Variants in RIMS2 observed in about 807,000 individuals in gnomAD.
RIMS2 encodes the protein regulating synaptic membrane exocytosis protein 2.
A neutral mutation model predicts 174.4 loss-of-function variants in RIMS2; 59 were observed. The ratio of observed to expected loss-of-function variants is 0.34; its 90% CI spans 0.27 to 0.42. The LOEUF (loss-of-function observed/expected upper bound fraction) is 0.42, where lower values mean the gene tolerates loss of function less well. RIMS2 is among the 10% of genes least tolerant of loss of function. The pLI is 1.00. For synonymous variants in RIMS2, 606 were observed against 572.5 expected, an observed-to-expected ratio of 1.06 and a Z score of -0.84; for missense variants, 1,620 against 1,666.3, an observed-to-expected ratio of 0.97 and a Z score of 0.48.
At chr8:104,213,731 G>A (rs776542433) in intron 19 of RIMS2, among the ~76,000 whole-genome samples, 3 of 152,032 alleles carry the variant, frequency 2.0e-5, no homozygotes, top group Non-Finnish European at 2.9e-5. Context: ...ACAAAAATTA[G>A]TTGGGCGTGG....
chr8:103,568,720 G>T, intron 1 of RIMS2: 1 of 833,580 alleles, frequency 1.2e-6, no homozygotes, highest in East Asian at 3.0e-5. Flanking sequence ...TTACATAAGG[G>T]AGTAGCCTAT....
intron 19 of RIMS2, among the ~76,000 whole-genome samples, chr8:104,105,449 G>C (rs966447770): frequency 3.9e-5 from 6 of 152,044 alleles, no homozygotes; most frequent in Non-Finnish European, 8.8e-5. Context: ...ATAGTGAAAA[G>C]GGTTCCACTT....
chr8:103,975,271 T>G, intron 15 of RIMS2, 79 bp from the exon 18 acceptor site: 1 of 831,000 alleles, frequency 1.2e-6, no homozygotes. Context: ...ACCAACATTT[T>G]GTTTTTGAGT....
chr8:103,938,334 C>T (rs995438469), intron 13 of RIMS2, among the ~76,000 whole-genome samples: 2 of 152,062 alleles, frequency 1.3e-5, no homozygotes, highest in African/African-American at 4.8e-5. Flanking sequence ...TCACGTCTTA[C>T]ATGGATGGTG....
chr8:103,520,916 G>A (rs567189928), intron 1 of RIMS2, among the ~76,000 whole-genome samples: 1 of 152,086 alleles, frequency 6.6e-6, no homozygotes, highest in Admixed American at 6.5e-5. Flanking sequence ...TTATAAAAAT[G>A]TAATAACAAT....
At chr8:104,005,652 C>T (rs1200055124) in intron 17 of RIMS2, among the ~76,000 whole-genome samples, 1 of 152,124 alleles carries the variant, frequency 6.6e-6, no homozygotes, top group Non-Finnish European at 1.5e-5. Flanking sequence ...CCAAGAATCA[C>T]AGAGATAACA....
At chr8:103,521,467 T>G (rs903020094) in intron 1 of RIMS2, among the ~76,000 whole-genome samples, 1 of 152,078 alleles carries the variant, frequency 6.6e-6, no homozygotes, top group Non-Finnish European at 1.5e-5. Context: ...TATTATAATT[T>G]TTTACTTAAT....
At chr8:103,892,949 G>A (rs907549634) in intron 4 of RIMS2, among the ~76,000 whole-genome samples, 1 of 151,638 alleles carries the variant, frequency 6.6e-6, no homozygotes, top group Non-Finnish European at 1.5e-5. Context: ...CTTTTGTGGA[G>A]GATATATTAT....
At chr8:103,984,992 T>C (rs1204531404) in intron 16 of RIMS2, among the ~76,000 whole-genome samples, 1 of 152,050 alleles carries the variant, frequency 6.6e-6, no homozygotes, top group Non-Finnish European at 1.5e-5. Context: ...ATCAAAACAA[T>C]TTAACATATG....
At chr8:103,667,344 A>G (rs2096683451) in intron 1 of RIMS2, among the ~76,000 whole-genome samples, 1 of 152,206 alleles carries the variant, frequency 6.6e-6, no homozygotes, top group Non-Finnish European at 1.5e-5. Context: ...TTGCAGTAGA[A>G]TCTGCTGTAG....
intron 1 of RIMS2, among the ~76,000 whole-genome samples, chr8:103,578,054 T>G (rs2093367981): frequency 6.6e-6 from 1 of 152,124 alleles, no homozygotes; most frequent in Admixed American, 6.6e-5. Flanking sequence ...AGTGGAAAGA[T>G]TATTTAAAGA....
At chr8:103,994,232 C>T (rs1444003819) in intron 17 of RIMS2, among the ~76,000 whole-genome samples, 1 of 151,878 alleles carries the variant, frequency 6.6e-6, no homozygotes, top group Non-Finnish European at 1.5e-5. Context: ...AAGGACAATT[C>T]ATTATAAATA....
chr8:103,693,692 G>T (rs1434221505), intron 1 of RIMS2, among the ~76,000 whole-genome samples: 1 of 152,120 alleles, frequency 6.6e-6, no homozygotes, highest in African/African-American at 2.4e-5. Flanking sequence ...GGAATTCTTG[G>T]GGAGACTGAA....
intron 19 of RIMS2, among the ~76,000 whole-genome samples, chr8:104,231,221 G>C (rs1042790231): frequency 1.3e-5 from 2 of 151,956 alleles, no homozygotes; most frequent in African/African-American, 4.8e-5. Flanking sequence ...CAACATCACT[G>C]CTCCTGTATC....
At chr8:103,568,499 ATGT>A (rs1352443046) in intron 1 of RIMS2, 1 of 286,862 alleles carries the variant, frequency 3.5e-6, no homozygotes, top group South Asian at 4.8e-5. Flanking sequence ...AGAATTCTTA[ATGT>A]TGTTGGAACA....
At chr8:103,618,989 G>T (rs780635527) in intron 1 of RIMS2, among the ~76,000 whole-genome samples, 1 of 151,590 alleles carries the variant, frequency 6.6e-6, no homozygotes, top group Middle Eastern at 3.4e-3. Context: ...AATAAAAGTT[G>T]CTTGAATGAC....
intron 19 of RIMS2, among the ~76,000 whole-genome samples, chr8:104,069,463 CTTTTTT>C (rs71297250): frequency 2.2e-5 from 2 of 91,970 alleles, no homozygotes; most frequent in Non-Finnish European, 4.3e-5. Flanking sequence ...ATTAATTGTT[CTTTTTT>C]TTTTTTTTTT....
At chr8:104,202,501 A>G (rs954352760) in intron 19 of RIMS2, among the ~76,000 whole-genome samples, 3 of 152,264 alleles carry the variant, frequency 2.0e-5, no homozygotes, top group African/African-American at 7.2e-5. Flanking sequence ...ACCACAGACT[A>G]GGTAGCTTAA....
At chr8:104,148,526 C>A in intron 19 of RIMS2, 81 bp from the exon 25 acceptor site, 13 of 1,245,796 alleles carry the variant, frequency 1.0e-5, no homozygotes, top group Non-Finnish European at 1.4e-5. Context: ...TAATTATACT[C>A]CAAATGTTTT....
Sources: gnomAD v4.1 joint callset for allele counts (sites outside exome capture counted in the v4.1 genomes callset) on GRCh38, gnomAD v4.1.1 for gene constraint, MANE v1.5 for transcripts, NCBI Gene and HGNC (gene_info 2026-07-23, HGNC 2026-07-21) for gene names.